CSMD2: variants seen among roughly 807,000 people sequenced by gnomAD.
CSMD2 encodes CUB and sushi domain-containing protein 2.
A neutral mutation model predicts 398.5 loss-of-function variants in CSMD2; 130 were observed. That is an observed-to-expected ratio of 0.33 (90% confidence interval 0.28 to 0.38). The LOEUF (loss-of-function observed/expected upper bound fraction) is 0.38, where lower values mean the gene tolerates loss of function less well. Among genes scored for constraint, CSMD2 ranks in the 10% least tolerant of loss-of-function variants. CSMD2 has a pLI of 1.00. For missense variants in CSMD2, 3,829 were observed against 4,764.9 expected, an observed-to-expected ratio of 0.80 and a Z score of 5.78; for synonymous variants, 1,828 against 1,908.5, an observed-to-expected ratio of 0.96 and a Z score of 1.10.
At chr1:34,106,264 AG>A (rs1030152171) in intron 1 of CSMD2, among the ~76,000 whole-genome samples, 1 of 152,164 alleles carries the variant, frequency 6.6e-6, no homozygotes, top group African/African-American at 2.4e-5. Flanking sequence ...AACAGAAAGG[AG>A]CACAGACAAA....
chr1:33,750,106 T>A (rs993845101), intron 13 of CSMD2, among the ~76,000 whole-genome samples: 4 of 151,892 alleles, frequency 2.6e-5, no homozygotes, highest in African/African-American at 7.3e-5. Context: ...AGAAAAAAAA[T>A]TTTTAATGGA....
rs116191060 is a variant in CSMD2 at position 33,753,076 on chromosome 1, G to C, written c.1847-9470C>G. ...TTTGAAAGAGAAGAAAAGCACAAAA[G>C]TTTGGAAAATTTGCAACCTGACCCT... On this transcript the variant is annotated intron_variant, in intron 13 of 70. Transcript: ENST00000373381. 6.7e-3 allele frequency among the ~76,000 whole-genome samples: 1,019 copies of C among 152,312 alleles called. 12 individuals carry two copies. The highest frequency in any genetic ancestry group is 0.024 in the African/African-American group (985 of 41,564).
At chr1:34,047,422 TC>T (rs1377754296) in intron 2 of CSMD2, among the ~76,000 whole-genome samples, 5 of 152,114 alleles carry the variant, frequency 3.3e-5, no homozygotes, top group Non-Finnish European at 7.3e-5. Flanking sequence ...ATTGCAACCC[TC>T]CTCCCCTCCT....
intron 19 of CSMD2, among the ~76,000 whole-genome samples, chr1:33,722,565 T>G (rs914569640): frequency 1.3e-5 from 2 of 152,222 alleles, no homozygotes; most frequent in African/African-American, 4.8e-5. Flanking sequence ...TGTTACAAAG[T>G]GTTACTTTAT....
chr1:33,935,027 AAAAGAAAAAAGAAAAAGAATG>A (rs1644430484), intron 4 of CSMD2, among the ~76,000 whole-genome samples: 1 of 151,052 alleles, frequency 6.6e-6, no homozygotes, highest in Admixed American at 6.6e-5. Context: ...AAAAAAAAAA[AAAAGAAAAAAGAAAAAGAATG>A]AAAGAAAAAA....
intron 3 of CSMD2, among the ~76,000 whole-genome samples, chr1:33,979,202 G>A (rs1441301992): frequency 6.6e-6 from 1 of 152,156 alleles, no homozygotes; most frequent in African/African-American, 2.4e-5. Flanking sequence ...CCCTGCCAGT[G>A]AGATGCCCAG....
intron 22 of CSMD2, among the ~76,000 whole-genome samples, chr1:33,707,495 T>G (rs191251788): frequency 2.0e-5 from 3 of 152,228 alleles, no homozygotes; most frequent in Non-Finnish European, 4.4e-5. Flanking sequence ...TGTCTTGTAT[T>G]CTCTTGTTGG....
rs149630473 is a variant in CSMD2, at chr1:33,943,039, C to T, written c.518-7085G>A. Among the ~76,000 whole-genome samples the T allele has an allele frequency of 3.4e-3, 525 of 152,278 alleles. 6 individuals carry two copies. Among genetic ancestry groups the T allele is most frequent in the African/African-American group, 0.011 (457 of 41,558 alleles). ...CAGCATTCTAGAATGACAAATTCAC[C>T]ATGGCCATGCCCTATTGACCCTGCC... On this transcript the variant is annotated intron_variant, in intron 3 of 70. Coordinates refer to ENST00000373381, the MANE Select transcript of CSMD2 (RefSeq NM_001281956.2).
intron 4 of CSMD2, among the ~76,000 whole-genome samples, chr1:33,923,132 G>A (rs763396334): frequency 7.9e-5 from 12 of 152,102 alleles, no homozygotes; most frequent in Admixed American, 2.0e-4. Context: ...TGGGGTATGC[G>A]TGTTATTTTT....
rs116555761 is a variant in CSMD2, at chr1:33,898,024, T to C, written c.920+20070A>G. Among the ~76,000 whole-genome samples the C allele has an allele frequency of 4.7e-3, 715 of 152,304 alleles. 4 individuals are homozygous for C. Among genetic ancestry groups the C allele is most frequent in the African/African-American group, 0.017 (686 of 41,566 alleles). ...TAATATTGCCCCAATTAAACCCTTA[T>C]CCTGATCCTTGGAGTTAGATTGAGA... On this transcript the variant is annotated intron_variant, in intron 5 of 70. Coordinates refer to ENST00000373381, the MANE Select transcript of CSMD2 (RefSeq NM_001281956.2).
chr1:34,026,458 A>G (rs1306126713), intron 3 of CSMD2, among the ~76,000 whole-genome samples: 1 of 152,256 alleles, frequency 6.6e-6, no homozygotes, highest in African/African-American at 2.4e-5. Flanking sequence ...AGTTAGACTT[A>G]GCTAAACAAA....
intron 25 of CSMD2, among the ~76,000 whole-genome samples, 177 bp downstream of exon 25, chr1:33,692,753 G>A (rs1322979836): frequency 6.6e-6 from 1 of 152,216 alleles, no homozygotes; most frequent in Non-Finnish European, 1.5e-5. Context: ...AGCCCTGAGA[G>A]GCTGAGACTG....
chr1:33,971,029 A>G (rs1366643402), intron 3 of CSMD2, among the ~76,000 whole-genome samples: 1 of 152,160 alleles, frequency 6.6e-6, no homozygotes, highest in Admixed American at 6.5e-5. Context: ...GCCTGGCACA[A>G]CATAAACACT....
At chr1:33,721,701 C>G (rs1646364145) in intron 19 of CSMD2, among the ~76,000 whole-genome samples, 1 of 152,166 alleles carries the variant, frequency 6.6e-6, no homozygotes, top group South Asian at 2.1e-4. Flanking sequence ...ATGCAGTAAG[C>G]TCCAGGCCAC....
intron 27 of CSMD2, among the ~76,000 whole-genome samples, chr1:33,652,714 G>A (rs1643827770): frequency 6.6e-6 from 1 of 152,178 alleles, no homozygotes; most frequent in Non-Finnish European, 1.5e-5. Flanking sequence ...TGAAAAACAG[G>A]TAATTTTATG....
At chr1:33,726,024 A>C (rs986098268) in intron 16 of CSMD2, among the ~76,000 whole-genome samples, 4 of 152,124 alleles carry the variant, frequency 2.6e-5, no homozygotes, top group Non-Finnish European at 5.9e-5. Context: ...TCTTCACACA[A>C]AAGTTTGCAG....
chr1:33,939,382 T>C lies in CSMD2; in HGVS notation c.518-3428A>G, dbSNP rs575792285. Reference sequence around the variant, plus strand: ...AGAGGCAATGACTGTGATGTGTGTGTGCTTATGAGTGTGGGGTGGGAAGGG... The same window carrying C: ...AGAGGCAATGACTGTGATGTGTGTGCGCTTATGAGTGTGGGGTGGGAAGGG... On this transcript the variant is annotated intron_variant, in intron 3 of 70. Transcript: ENST00000373381. Among the ~76,000 whole-genome samples the C allele has an allele frequency of 3.9e-5, 6 of 152,194 alleles. No homozygotes were observed. In the South Asian group the frequency reaches 1.0e-3, roughly 26 times the overall value.
chr1:33,520,062 C>A lies in CSMD2; in HGVS notation c.10598-112G>T, dbSNP rs1052024352. 6 of 1,276,172 alleles carry A rather than the reference C, an allele frequency of 4.7e-6. No homozygotes were observed. The African/African-American group carries it at 8.8e-5, about 19-fold the overall frequency. The allele number at this position is 1,276,172 out of a possible 1,614,324, so 79.1% of individuals were successfully genotyped here. A position where few individuals can be genotyped will look rare whatever the true frequency, so the allele number is the denominator to read the frequency against. On this transcript the variant is annotated intron_variant, in intron 68 of 70. Coordinates refer to ENST00000373381, the MANE Select transcript of CSMD2 (RefSeq NM_001281956.2). ...AAGCAGGGCTGCCACTCAGGGTGCTCCTCACTCCTGCTCAGCACGGGAGGC... is the reference window on the plus strand; with the variant it reads ...AAGCAGGGCTGCCACTCAGGGTGCTACTCACTCCTGCTCAGCACGGGAGGC...
intron 5 of CSMD2, among the ~76,000 whole-genome samples, chr1:33,879,894 C>T (rs569135517): frequency 6.6e-6 from 1 of 152,298 alleles, no homozygotes; most frequent in East Asian, 1.9e-4. Context: ...TAGCGCATCA[C>T]ACCTGATACT....
Sources: allele counts gnomAD v4.1 joint callset (sites outside exome capture counted in the v4.1 genomes callset), GRCh38; gene constraint gnomAD v4.1.1; transcripts MANE v1.5; gene names NCBI Gene and HGNC (gene_info 2026-07-23, HGNC 2026-07-21).